Variants in BDP1 observed in about 807,000 individuals in gnomAD.
The protein encoded by BDP1 is transcription factor TFIIIB component B'' homolog.
A neutral mutation model predicts 266.6 loss-of-function variants in BDP1; 169 were observed. That is an observed-to-expected ratio of 0.63 (90% CI 0.56 to 0.72). BDP1 has a LOEUF of 0.72. BDP1 is among the 30% of genes least tolerant of loss of function. The pLI, the probability that BDP1 is intolerant of heterozygous loss-of-function variation, is 0.00. For synonymous variants in BDP1, 1,090 were observed against 1,022.4 expected (o/e 1.07, Z -1.26); for missense variants, 3,015 against 3,053.8 (o/e 0.99, Z 0.30).
intron 12 of BDP1, 109 bp from the exon 13 acceptor site, chr5:71,497,161 C>A: frequency 1.1e-6 from 1 of 924,314 alleles, no homozygotes; most frequent in Non-Finnish European, 1.6e-6. Context: ...TACTCTTGTT[C>A]TAAGTAAGCT....
chr5:71,458,751 A>G lies in BDP1; in HGVS notation c.385A>G (p.Thr129Ala). Residue 129 changes from threonine (T) to alanine (A), a missense_variant, in exon 2 of 39, where the codon ACT becomes GCT. Physicochemically the swap from Thr to Ala is moderately conservative, Grantham distance 58. Transcript: ENST00000358731. ...STINQEAPQPTATSTKEKQPC... is the reference protein window; with the variant it reads ...STINQEAPQPAATSTKEKQPC... ...AATTAATCAAGAGGCTCCACAGCCAACTGCCACTTCAACAAAAGAGAAACA... is the reference window on the plus strand; with the variant it reads ...AATTAATCAAGAGGCTCCACAGCCAGCTGCCACTTCAACAAAAGAGAAACA... 7 of 1,614,140 alleles carry G rather than the reference A, an allele frequency of 4.3e-6. No individual in the cohort carries two copies. The highest frequency in any genetic ancestry group is 5.9e-6 in the Non-Finnish European group (7 of 1,179,984).
intron 25 of BDP1, 70 bp from the exon 26 acceptor site, chr5:71,532,235 CATG>C (rs1766290660): frequency 1.5e-6 from 2 of 1,301,996 alleles, no homozygotes; most frequent in Non-Finnish European, 2.2e-6. Context: ...CTTACTTATT[CATG>C]TTGAAGATGA....
chr5:71,534,663 C>T (rs1339867750), intron 26 of BDP1, among the ~76,000 whole-genome samples: 1 of 151,988 alleles, frequency 6.6e-6, no homozygotes, highest in African/African-American at 2.4e-5. Context: ...CATTTTGAGA[C>T]GGAGTTTTCC....
chr5:71,494,587 C>T (rs1763772513), intron 11 of BDP1: 1 of 152,240 alleles, frequency 6.6e-6, no homozygotes, highest in Non-Finnish European at 1.5e-5. Context: ...CTTTATTTGA[C>T]TTTTGGTTAC....
At chr5:71,497,493 AG>A (rs1223615578) in intron 13 of BDP1, 67 bp downstream of exon 13, 2 of 1,284,134 alleles carry the variant, frequency 1.6e-6, no homozygotes, top group African/African-American at 3.0e-5. Flanking sequence ...TGGGAATAAA[AG>A]TTGTTGACTT....
At chr5:71,543,492 CAG>C (rs1767093029) in intron 30 of BDP1, among the ~76,000 whole-genome samples, 1 of 152,108 alleles carries the variant, frequency 6.6e-6, no homozygotes, top group Non-Finnish European at 1.5e-5. Context: ...CCCAGCTACT[CAG>C]AGGTTTGAGC....
intron 34 of BDP1, among the ~76,000 whole-genome samples, chr5:71,551,933 C>T (rs1450885393): frequency 8.7e-5 from 13 of 149,042 alleles, no homozygotes; most frequent in African/African-American, 2.7e-4. Flanking sequence ...CCGGACGGGG[C>T]GGCTGGCCGG....
At chr5:71,461,120 T>A (rs1350680379) in intron 2 of BDP1, among the ~76,000 whole-genome samples, 1 of 152,064 alleles carries the variant, frequency 6.6e-6, no homozygotes, top group Non-Finnish European at 1.5e-5. Context: ...GCTGTGGCTA[T>A]AGGCATATGC....
At chr5:71,478,729 C>T (rs947258340) in intron 7 of BDP1, among the ~76,000 whole-genome samples, 1 of 151,726 alleles carries the variant, frequency 6.6e-6, no homozygotes, top group Non-Finnish European at 1.5e-5. Flanking sequence ...TGAGTTTGCT[C>T]AGCTTCTTGC....
rs1298543378 is a variant in BDP1 at position 71,562,375 on chromosome 5, C to T, written c.7598C>T (p.Pro2533Leu). 6.2e-7 allele frequency: 1 copy of T among 1,613,686 alleles called. No homozygotes were observed. Among genetic ancestry groups the T allele is most frequent in the African/African-American group, 1.3e-5 (1 of 74,852 alleles). Residue 2533 changes from proline (P) to leucine (L), a missense_variant, in exon 38 of 39, where the codon CCT becomes CTT. Physicochemically the swap from Pro to Leu is moderately conservative, Grantham distance 98. Coordinates refer to ENST00000358731, the MANE Select transcript of BDP1 (RefSeq NM_018429.3). ...MQVHSKKRLK[P>L]LIPGLRKKLK... ...GTCCATAGTAAGAAACGCCTAAAAC[C>T]TCTTATACCTGGATTAAGAAAGAAA...
chr5:71,537,799 C>G (rs1766722210), intron 26 of BDP1: 2 of 165,774 alleles, frequency 1.2e-5, no homozygotes, highest in Non-Finnish European at 2.9e-5. Flanking sequence ...ATCTTGGGCT[C>G]TTTCCTTCAC....
At chr5:71,543,708 G>A (rs186228180) in intron 30 of BDP1, among the ~76,000 whole-genome samples, 3 of 152,278 alleles carry the variant, frequency 2.0e-5, no homozygotes, top group East Asian at 3.9e-4. Context: ...GAAATGGTGG[G>A]CAACCCCAAC....
rs1487659752 is a variant in BDP1 at position 71,501,552 on chromosome 5, A to G, written c.1957-10A>G. Reference sequence around the variant, plus strand: ...GTAAGTAGATAAATTGTAGCAAATTAAATTCACAGAACCACGTGGAAAAAG... The same window carrying G: ...GTAAGTAGATAAATTGTAGCAAATTGAATTCACAGAACCACGTGGAAAAAG... On this transcript the variant is annotated splice_polypyrimidine_tract_variant and intron_variant, in intron 13 of 38. Transcript: ENST00000358731. 1 of 1,485,770 alleles carries G rather than the reference A, an allele frequency of 6.7e-7. No individual in the cohort carries two copies. Among genetic ancestry groups the G allele is most frequent in the African/African-American group, 1.4e-5 (1 of 71,756 alleles). The allele number at this position is 1,485,770 out of a possible 1,614,324, so 92.0% of individuals were successfully genotyped here.
chr5:71,473,432 G>A (rs1487227013), intron 7 of BDP1, among the ~76,000 whole-genome samples: 1 of 151,326 alleles, frequency 6.6e-6, no homozygotes, highest in Non-Finnish European at 1.5e-5. Flanking sequence ...CCGCCACCAC[G>A]CCCAGCTAAT....
chr5:71,551,320 G>C (rs899233889), intron 34 of BDP1, among the ~76,000 whole-genome samples: 3 of 152,014 alleles, frequency 2.0e-5, no homozygotes, highest in Non-Finnish European at 2.9e-5. Context: ...GACTCTTAAC[G>C]AGCATACTGC....
At chr5:71,507,998 C>T (rs1014945888) in intron 16 of BDP1, among the ~76,000 whole-genome samples, 1 of 152,182 alleles carries the variant, frequency 6.6e-6, no homozygotes, top group Non-Finnish European at 1.5e-5. Flanking sequence ...CAGAGTCTTA[C>T]TCTGTTGCCC....
At chr5:71,570,246 C>T (rs918338120), downstream of BDP1, among the ~76,000 whole-genome samples, 1 of 152,104 alleles carries the variant, frequency 6.6e-6, no homozygotes, top group African/African-American at 2.4e-5. Flanking sequence ...TCTTAATAAC[C>T]GTGAAATAGC....
At chr5:71,539,716 C>A in intron 28 of BDP1, 67 bp downstream of exon 28, 1 of 1,053,766 alleles carries the variant, frequency 9.5e-7, no homozygotes, top group East Asian at 2.5e-5. Flanking sequence ...AAATTATACC[C>A]ACATTTGAGT....
intron 2 of BDP1, among the ~76,000 whole-genome samples, chr5:71,460,790 TATTTA>T (rs1465682987): frequency 6.6e-6 from 1 of 152,190 alleles, no homozygotes; most frequent in Non-Finnish European, 1.5e-5. Flanking sequence ...CTTATTTGCT[TATTTA>T]ATTTATTTTG....
Sources: gnomAD v4.1 joint callset for allele counts (sites outside exome capture counted in the v4.1 genomes callset) on GRCh38, gnomAD v4.1.1 for gene constraint, MANE v1.5 for transcripts, NCBI Gene and HGNC (gene_info 2026-07-23, HGNC 2026-07-21) for gene names.